The following MALRD1 variants were observed in gnomAD, a reference collection of about 807,000 sequenced individuals.
The protein encoded by MALRD1 is MAM and LDL receptor class A domain containing 1.
In MALRD1, 247 loss-of-function variants were observed where a neutral mutation model predicts 242.1. The observed-to-expected ratio is 1.02, with a 90% CI of 0.92 to 1.13. The LOEUF (loss-of-function observed/expected upper bound fraction) is 1.13. Ranked by LOEUF, MALRD1 falls within the 50% of genes most tolerant of loss-of-function variation. The pLI is 0.00. For missense variants in MALRD1, 2,989 were observed against 2,533.1 expected (o/e 1.18, Z -3.86); for synonymous variants, 995 against 866.6 (o/e 1.15, Z -2.60).
rs1337132523 is a variant in MALRD1, at chr10:19,367,750, T to A, written c.4441+15453T>A. 2.0e-5 allele frequency among the ~76,000 whole-genome samples: 3 copies of A among 152,140 alleles called. No individual in the cohort carries two copies. The East Asian group carries it at 5.8e-4, about 29-fold the overall frequency. ...AAGAGTGTATAAGAGTTCTCTTTTC[T>A]CTGCATTCTCACCAGTATTTATTTT... is the stretch of plus-strand genomic sequence containing the variant. On this transcript the variant is annotated intron_variant, in intron 26 of 39. Transcript: ENST00000454679.
chr10:19,184,908 T>G (rs145072286), intron 14 of MALRD1, among the ~76,000 whole-genome samples: 2,709 of 152,272 alleles, frequency 0.018, 42 homozygotes, highest in Non-Finnish European at 0.028. Context: ...AACATTATGC[T>G]AATAAACAAT....
chr10:19,579,289 A>G (rs1274071137), intron 33 of MALRD1, among the ~76,000 whole-genome samples: 1 of 152,202 alleles, frequency 6.6e-6, no homozygotes, highest in Non-Finnish European at 1.5e-5. Context: ...TCTAATGCCC[A>G]TGTCACTAAA....
At chr10:19,474,593 T>C (rs2086868519) in intron 29 of MALRD1, among the ~76,000 whole-genome samples, 1 of 152,104 alleles carries the variant, frequency 6.6e-6, no homozygotes, top group Non-Finnish European at 1.5e-5. Flanking sequence ...AATAAGCCCA[T>C]TGTAAGTTAT....
Position 19,718,113 on chromosome 10 carries a change from A to AGAAGAAGAAGAG in MALRD1, c.6315-12582_6315-12581insGGAAGAAGAAGA, listed in dbSNP as rs1554830204. Among the ~76,000 whole-genome samples, 381 of 149,612 alleles carry AGAAGAAGAAGAG rather than the reference A, an allele frequency of 2.5e-3. 1 individual carries two copies. The highest frequency in any genetic ancestry group is 8.8e-3 in the African/African-American group (354 of 40,090). On this transcript the variant is annotated intron_variant, in intron 38 of 39. Coordinates refer to ENST00000454679, the MANE Select transcript of MALRD1 (RefSeq NM_001142308.3). Reference sequence around the variant, plus strand: ...AAGAAGAAGAAGAGGAAGAGGAAGAAGAAGAAGAAGAAGAGGAAGAAGAGG... The same window carrying AGAAGAAGAAGAG: ...AAGAAGAAGAAGAGGAAGAGGAAGAAGAAGAAGAAGAGGAAGAAGAAGAAGAGGAAGAAGAGG...
At chr10:19,674,046 C>T (rs1842041009) in intron 36 of MALRD1, among the ~76,000 whole-genome samples, 1 of 152,194 alleles carries the variant, frequency 6.6e-6, no homozygotes, top group East Asian at 1.9e-4. Context: ...CTATCTTAGA[C>T]TTGTTGACTA....
Position 19,249,508 on chromosome 10 carries a change from A to AT in MALRD1, c.2992-8170dup, listed in dbSNP as rs571840208. Among the ~76,000 whole-genome samples, 353 of 151,892 alleles carry AT rather than the reference A, an allele frequency of 2.3e-3. 2 individuals carry two copies. The highest frequency in any genetic ancestry group is 8.2e-3 in the African/African-American group (338 of 41,450). ...AGTTTTAGTTGAAAGGGGAAGTTTCATTTTTTCTTAAAATACATTAAGAGC... is the reference window on the plus strand; with the variant it reads ...AGTTTTAGTTGAAAGGGGAAGTTTCATTTTTTTCTTAAAATACATTAAGAGC... On this transcript the variant is annotated intron_variant, in intron 18 of 39. Transcript: ENST00000454679.
chr10:19,623,801 C>A (rs1028451673), intron 36 of MALRD1, among the ~76,000 whole-genome samples: 2 of 151,974 alleles, frequency 1.3e-5, no homozygotes, highest in African/African-American at 4.8e-5. Context: ...ATCTTTTTTA[C>A]CCAGTCTACT....
chr10:19,057,469 C>A (rs964420820), intron 1 of MALRD1, among the ~76,000 whole-genome samples: 20 of 152,126 alleles, frequency 1.3e-4, no homozygotes, highest in Non-Finnish European at 2.2e-4. Flanking sequence ...ATAACTTCCC[C>A]AAGGCCCCAC....
At chr10:19,560,888 C>T (rs964458253) in intron 32 of MALRD1, among the ~76,000 whole-genome samples, 1 of 151,954 alleles carries the variant, frequency 6.6e-6, no homozygotes, top group African/African-American at 2.4e-5. Flanking sequence ...CAGAAAACCA[C>T]CATGGCACGT....
chr10:19,322,643 C>G (rs1474895249), intron 21 of MALRD1, among the ~76,000 whole-genome samples: 2 of 152,150 alleles, frequency 1.3e-5, no homozygotes, highest in African/African-American at 2.4e-5. Flanking sequence ...CCTGCTGTGT[C>G]TTTTGCAGAC....
chr10:19,072,839 A>G (rs190133975), intron 2 of MALRD1, among the ~76,000 whole-genome samples: 2 of 152,248 alleles, frequency 1.3e-5, no homozygotes, highest in Non-Finnish European at 2.9e-5. Flanking sequence ...TACTTTTAGT[A>G]CTTATTTGTA....
intron 36 of MALRD1, among the ~76,000 whole-genome samples, chr10:19,629,970 T>C (rs1839834155): frequency 6.6e-6 from 1 of 152,174 alleles, no homozygotes; most frequent in Admixed American, 6.5e-5. Context: ...TTTGAACTTA[T>C]CCCTCTTAGT....
At position 19,216,963 on chromosome 10, in the gene MALRD1, AAT is replaced by A. The variant is rs1437741506; in HGVS notation, c.2991+7285_2991+7286del. Among the ~76,000 whole-genome samples the A allele has an allele frequency of 2.5e-4, 37 of 148,984 alleles. 1 individual carries two copies. Among genetic ancestry groups the A allele is most frequent in the Admixed American group, 5.3e-4 (8 of 14,960 alleles). On this transcript the variant is annotated intron_variant, in intron 18 of 39. Transcript: ENST00000454679. The stretch of plus-strand genomic sequence containing the variant: ...TCCGTCTCAAAAAAAAAAAAATAAA[AAT>A]AAAATAAAATTAAAAAAAATGATGT...
chr10:19,213,047 C>T (rs1234837986), intron 18 of MALRD1, among the ~76,000 whole-genome samples: 1 of 152,064 alleles, frequency 6.6e-6, no homozygotes, highest in Non-Finnish European at 1.5e-5. Flanking sequence ...TTTTCAGTCT[C>T]TTAATAGATT....
At position 19,583,989 on chromosome 10, in the gene MALRD1, T is replaced by C. The variant is rs192972229; in HGVS notation, c.5681-11205T>C. 2.1e-3 allele frequency among the ~76,000 whole-genome samples: 317 copies of C among 152,238 alleles called. 1 individual carries two copies. Among genetic ancestry groups the C allele is most frequent in the Middle Eastern group, 3.4e-3 (1 of 294 alleles). ...TGTCGAGGAATTTATGCATTTCTTC[T>C]AGATTTTCTAGTTTATTTGTGTAGA... On this transcript the variant is annotated intron_variant, in intron 33 of 39. Coordinates refer to ENST00000454679, the MANE Select transcript of MALRD1 (RefSeq NM_001142308.3).
At chr10:19,608,269 G>T (rs1244894948) in intron 35 of MALRD1, among the ~76,000 whole-genome samples, 1 of 151,742 alleles carries the variant, frequency 6.6e-6, no homozygotes, top group East Asian at 1.9e-4. Flanking sequence ...TTTAAATTGT[G>T]GTCTTCCTTT....
rs890413681 is a variant in MALRD1, at chr10:19,656,709, C to A, written c.6138-35573C>A. Among the ~76,000 whole-genome samples the A allele has an allele frequency of 2.0e-5, 3 of 152,028 alleles. 1 individual carries two copies. The highest frequency in any genetic ancestry group is 4.2e-4 in the South Asian group (2 of 4,818). On this transcript the variant is annotated intron_variant, in intron 36 of 39. Coordinates refer to ENST00000454679, the MANE Select transcript of MALRD1 (RefSeq NM_001142308.3). ...CTGGGAACATTTCTCAGCTGTATAC[C>A]TGCTTTATGAGTGGTATGATGATTT... is the stretch of plus-strand genomic sequence containing the variant.
At chr10:19,246,690 T>G (rs1054528866) in intron 18 of MALRD1, among the ~76,000 whole-genome samples, 1 of 152,188 alleles carries the variant, frequency 6.6e-6, no homozygotes. Flanking sequence ...CAGGCATAAC[T>G]GAGATAAAAG....
At chr10:19,315,578 T>TATTTATA (rs1484830362) in intron 21 of MALRD1, among the ~76,000 whole-genome samples, 7 of 62,432 alleles carry the variant, frequency 1.1e-4, no homozygotes, top group African/African-American at 7.2e-4. Flanking sequence ...AATATATAAA[T>TATTTATA]TATAAATTAT....
Sources: allele counts gnomAD v4.1 joint callset (sites outside exome capture counted in the v4.1 genomes callset), GRCh38; gene constraint gnomAD v4.1.1; transcripts MANE v1.5; gene names NCBI Gene and HGNC (gene_info 2026-07-23, HGNC 2026-07-21).